Variants in BAG2 observed in about 807,000 individuals in gnomAD.
BAG2 encodes the protein BAG cochaperone 2, also known as BAG family molecular chaperone regulator 2.
BAG2 carries 8 observed loss-of-function variants against 16.4 expected under a neutral mutation model. That is an observed-to-expected ratio of 0.49 (90% CI 0.29 to 0.88). The LOEUF (loss-of-function observed/expected upper bound fraction) is 0.88, where lower values mean the gene tolerates loss of function less well. BAG2 is among the 40% of genes least tolerant of loss of function. The pLI, the probability that BAG2 is intolerant of heterozygous loss-of-function variation, is 0.09. For missense variants in BAG2, 218 were observed against 248.9 expected, an observed-to-expected ratio of 0.88 and a Z score of 0.84; for synonymous variants, 82 against 89.2, an observed-to-expected ratio of 0.92 and a Z score of 0.46.
intron 2 of BAG2, among the ~76,000 whole-genome samples, chr6:57,182,652 TTTC>T (rs1319328869): frequency 1.3e-5 from 2 of 152,012 alleles, no homozygotes; most frequent in Non-Finnish European, 2.9e-5. Context: ...GTGCTGTCAT[TTTC>T]TTTTTTCTTT....
At chr6:57,177,911 T>G (rs3778515) in intron 1 of BAG2, among the ~76,000 whole-genome samples, 44,545 of 152,080 alleles carry the variant, frequency 0.29, 7,447 homozygotes, top group African/African-American at 0.46. Context: ...AAGACCTGGG[T>G]ACTAGCTGAG....
chr6:57,188,031 T>A lies in BAG2; in HGVS notation c.*3841T>A, dbSNP rs1764676094. 6.6e-6 allele frequency: 1 copy of A among 152,176 alleles called. No individual in the cohort carries two copies. Among genetic ancestry groups the A allele is most frequent in the African/African-American group, 2.4e-5 (1 of 41,444 alleles). 9.4% of individuals were successfully genotyped at this position (152,176 alleles called of 1,614,324 possible). Reference sequence around the variant, plus strand: ...CTGAGGAACTCTGAAATATGGCAGTTATTCCACAGCGATATGTCTACGCAA... The same window carrying A: ...CTGAGGAACTCTGAAATATGGCAGTAATTCCACAGCGATATGTCTACGCAA... On this transcript the variant is annotated 3_prime_UTR_variant, in exon 3 of 3. Transcript: ENST00000370693.
intron 2 of BAG2, 103 bp downstream of exon 2, chr6:57,182,244 A>C: frequency 1.2e-6 from 1 of 821,568 alleles, no homozygotes. Context: ...TGCGTACACC[A>C]GGCCACAGCA....
At position 57,185,356 on chromosome 6, in the gene BAG2, A is replaced by C. The variant is rs1286197766; in HGVS notation, c.*1166A>C. The C allele has an allele frequency of 6.6e-6, 1 of 152,226 alleles. No homozygotes were observed. The highest frequency in any genetic ancestry group is 1.5e-5 in the Non-Finnish European group (1 of 68,044). The allele number at this position is 152,226 out of a possible 1,614,324, so 9.4% of individuals were successfully genotyped here. A position where few individuals can be genotyped will look rare whatever the true frequency, so the allele number is the denominator to read the frequency against. On this transcript the variant is annotated 3_prime_UTR_variant, in exon 3 of 3. Coordinates refer to ENST00000370693, the MANE Select transcript of BAG2 (RefSeq NM_004282.4). ...TTGTTCAAAGTAACTAGTCCTATTGATATACAAAAACCACAACAACTTCCC... is the reference window on the plus strand; with the variant it reads ...TTGTTCAAAGTAACTAGTCCTATTGCTATACAAAAACCACAACAACTTCCC...
At chr6:57,181,063 TAGAA>T (rs933187482) in intron 1 of BAG2, among the ~76,000 whole-genome samples, 2 of 152,128 alleles carry the variant, frequency 1.3e-5, no homozygotes, top group African/African-American at 4.8e-5. Flanking sequence ...TGGCAGCAAA[TAGAA>T]AGTTGGAAAA....
In BAG2 at chr6:57,189,321, T is replaced by C. The variant is rs1477673787; in HGVS notation, c.*5131T>C. ...ATACAAAAATGTGTAAACAAAAGGA[T>C]GGTTTAGAGTTGCAGGGCATTATAA... On this transcript the variant is annotated 3_prime_UTR_variant, in exon 3 of 3. Coordinates refer to ENST00000370693, the MANE Select transcript of BAG2 (RefSeq NM_004282.4). 6.6e-6 allele frequency: 1 copy of C among 152,190 alleles called. No homozygotes were observed. The highest frequency in any genetic ancestry group is 1.9e-4 in the East Asian group (1 of 5,204). 9.4% of individuals were successfully genotyped at this position (152,190 alleles called of 1,614,324 possible). A position where few individuals can be genotyped will look rare whatever the true frequency, so the allele number is the denominator to read the frequency against.
intron 1 of BAG2, among the ~76,000 whole-genome samples, chr6:57,176,226 G>A (rs1316616938): frequency 2.0e-5 from 3 of 152,156 alleles, no homozygotes; most frequent in Non-Finnish European, 4.4e-5. Flanking sequence ...TACAGATAGG[G>A]AAATTGAGGC....
At chr6:57,176,895 TC>T (rs199782503) in intron 1 of BAG2, among the ~76,000 whole-genome samples, 6 of 139,336 alleles carry the variant, frequency 4.3e-5, no homozygotes, top group African/African-American at 1.7e-4. Context: ...GGAAGTGAGG[TC>T]CAATTAGGAT....
At position 57,188,427 on chromosome 6, in the gene BAG2, C is replaced by CTTTT. The variant is rs1296255531; in HGVS notation, c.*4241_*4244dup. 3 of 152,112 alleles carry CTTTT rather than the reference C, an allele frequency of 2.0e-5. No individual in the cohort carries two copies. Among genetic ancestry groups the CTTTT allele is most frequent in the Non-Finnish European group, 4.4e-5 (3 of 68,014 alleles). The allele number at this position is 152,112 out of a possible 1,614,324, so 9.4% of individuals were successfully genotyped here. On this transcript the variant is annotated 3_prime_UTR_variant, in exon 3 of 3. Transcript: ENST00000370693. The stretch of plus-strand genomic sequence containing the variant: ...GAACTGTAACTATCCTCAGAGATTA[C>CTTTT]TTTTTTTAAATATAGAAAGGTAACA...
At chr6:57,172,846 C>T (rs1266247562) in intron 1 of BAG2, 36 bp downstream of exon 1, 3 of 1,425,284 alleles carry the variant, frequency 2.1e-6, no homozygotes, top group Non-Finnish European at 2.8e-6. Flanking sequence ...GCGTTCTGCT[C>T]GCCGCGCGGG....
At chr6:57,178,957 A>G (rs2039213) in intron 1 of BAG2, among the ~76,000 whole-genome samples, 1,942 of 152,324 alleles carry the variant, frequency 0.013, 47 homozygotes, top group African/African-American at 0.045. Context: ...CTCATAAATG[A>G]AACCTTCCTT....
chr6:57,173,375 C>T, intron 1 of BAG2: 1 of 985,332 alleles, frequency 1.0e-6, no homozygotes, highest in Non-Finnish European at 1.2e-6. Flanking sequence ...CAGTAAGTTA[C>T]CGGGTGCTTC....
At chr6:57,183,730 C>T in intron 2 of BAG2, 48 bp from the exon 3 acceptor site, 1 of 1,442,182 alleles carries the variant, frequency 6.9e-7, no homozygotes, top group Non-Finnish European at 9.2e-7. Flanking sequence ...AAACAAATGC[C>T]TTAATGTTTT....
At chr6:57,177,544 G>A (rs556189036) in intron 1 of BAG2, among the ~76,000 whole-genome samples, 5 of 152,200 alleles carry the variant, frequency 3.3e-5, no homozygotes, top group Non-Finnish European at 5.9e-5. Flanking sequence ...ATAATGGTAA[G>A]AATATAATAG....
At position 57,172,901 on chromosome 6, in the gene BAG2, G is replaced by C. The variant is rs564493228; in HGVS notation, c.113+91G>C. On this transcript the variant is annotated intron_variant, in intron 1 of 2. Transcript: ENST00000370693. The stretch of plus-strand genomic sequence containing the variant: ...GGACGGAGGCCGCGTGTGGCGGGCC[G>C]GGGCCTGGGGCACAGTGAGGCTGCG... The C allele has an allele frequency of 3.2e-4, 353 of 1,120,282 alleles. 2 individuals are homozygous for C. In the South Asian group the frequency reaches 3.7e-3, roughly 12 times the overall value. The allele number at this position is 1,120,282 out of a possible 1,614,324, so 69.4% of individuals were successfully genotyped here.
At chr6:57,183,647 C>A (rs1208210190) in intron 2 of BAG2, 131 bp from the exon 3 acceptor site, 1 of 692,856 alleles carries the variant, frequency 1.4e-6, no homozygotes. Flanking sequence ...GTTAATCTTA[C>A]ATGCTATAGT....
rs1764717273 is a variant in BAG2 at position 57,188,822 on chromosome 6, CAAAG to C, written c.*4634_*4637del. On this transcript the variant is annotated 3_prime_UTR_variant, in exon 3 of 3. Coordinates refer to ENST00000370693, the MANE Select transcript of BAG2 (RefSeq NM_004282.4). ...TTTTTTATTTTTCCATCTAAAATGG[CAAAG>C]AGAACATTTACTTTTGATCACTTAA... 1 of 151,850 alleles carries C rather than the reference CAAAG, an allele frequency of 6.6e-6. No homozygotes were observed. 9.4% of individuals were successfully genotyped at this position (151,850 alleles called of 1,614,324 possible). A position where few individuals can be genotyped will look rare whatever the true frequency, so the allele number is the denominator to read the frequency against.
At chr6:57,173,523 A>G (rs1764190767) in intron 1 of BAG2, 23 of 976,262 alleles carry the variant, frequency 2.4e-5, no homozygotes, top group Non-Finnish European at 2.7e-5. Flanking sequence ...TGAAAGCATG[A>G]AAAGATAGTT....
At chr6:57,178,844 T>A (rs1320466214) in intron 1 of BAG2, among the ~76,000 whole-genome samples, 2 of 152,210 alleles carry the variant, frequency 1.3e-5, no homozygotes, top group Non-Finnish European at 2.9e-5. Context: ...CTATTTGGTC[T>A]CATTTAATGA....
Sources: gnomAD v4.1 joint callset for allele counts (sites outside exome capture counted in the v4.1 genomes callset) on GRCh38, gnomAD v4.1.1 for gene constraint, MANE v1.5 for transcripts, NCBI Gene and HGNC (gene_info 2026-07-23, HGNC 2026-07-21) for gene names.